CDX4: variants seen among roughly 807,000 people sequenced by gnomAD.
CDX4 encodes homeobox protein CDX-4.
In CDX4, 11 loss-of-function variants were observed where a neutral mutation model predicts 14.1. The observed-to-expected ratio is 0.78, with a 90% CI of 0.49 to 1.29. The LOEUF (loss-of-function observed/expected upper bound fraction) is 1.29. CDX4 is among the 50% of genes most tolerant of loss of function. CDX4 has a pLI of 0.00. For synonymous variants in CDX4, 100 were observed against 93.5 expected, an observed-to-expected ratio of 1.07 and a Z score of -0.40; for missense variants, 257 against 237.4, an observed-to-expected ratio of 1.08 and a Z score of -0.54.
chrX:73,452,507 T>G (rs2057091807), intron 1 of CDX4, among the ~76,000 whole-genome samples: 1 of 111,193 alleles, frequency 9.0e-6, no homozygotes, highest in Admixed American at 9.5e-5. Flanking sequence ...AAAGCTCTAT[T>G]CGAAGGAGGG....
chrX:73,448,130 G>A (rs145249588), intron 1 of CDX4, among the ~76,000 whole-genome samples: 1,294 of 111,857 alleles, frequency 0.012, 21 homozygotes, highest in African/African-American at 0.041. Context: ...GAGGGCAGCT[G>A]TAGTGTCCCG....
At chrX:73,448,679 T>C (rs986274212) in intron 1 of CDX4, among the ~76,000 whole-genome samples, 1 of 112,329 alleles carries the variant, frequency 8.9e-6, no homozygotes, top group African/African-American at 3.2e-5. Context: ...GCGAGGGAAG[T>C]GGCCGTTCCA....
At chrX:73,449,667 G>A (rs1382257270) in intron 1 of CDX4, among the ~76,000 whole-genome samples, 1 of 111,960 alleles carries the variant, frequency 8.9e-6, no homozygotes, top group East Asian at 2.8e-4. Flanking sequence ...TCATTTTAAT[G>A]TCTTATAAAT....
chrX:73,447,551 G>C lies in CDX4; in HGVS notation c.298G>C (p.Asp100His), dbSNP rs929389049. 3 of 1,211,448 alleles carry C rather than the reference G, an allele frequency of 2.5e-6. No individual in the cohort carries two copies. Among genetic ancestry groups the C allele is most frequent in the Non-Finnish European group, 2.2e-6 (2 of 895,294 alleles). ...TACAATGGGCACAGTGCCGGTGAAC[G>C]ACGTGACCTCTAGCCCCGCCGCTTT... ...SSTMGTVPVN[D>H]VTSSPAAFCS... Residue 100 changes from aspartate (D) to histidine (H), a missense_variant, in exon 1 of 3, where the codon GAC (aspartate) becomes CAC (histidine). Asp to His is a moderately conservative substitution (Grantham distance 81). Coordinates refer to ENST00000373514, the MANE Select transcript of CDX4 (RefSeq NM_005193.2).
At chrX:73,449,498 A>G (rs2057080732) in intron 1 of CDX4, among the ~76,000 whole-genome samples, 1 of 111,794 alleles carries the variant, frequency 8.9e-6, no homozygotes, top group Admixed American at 9.5e-5. Context: ...AGTCTCTTGC[A>G]TCTTTGAGCT....
At chrX:73,449,591 T>C (rs1437731356) in intron 1 of CDX4, among the ~76,000 whole-genome samples, 1 of 111,926 alleles carries the variant, frequency 8.9e-6, no homozygotes, top group Non-Finnish European at 1.9e-5. Flanking sequence ...TGGAATGATA[T>C]TGGAACCATT....
In CDX4 at chrX:73,453,658, G is replaced by A. The variant is rs770467036; in HGVS notation, c.644G>A (p.Arg215Lys). 3 of 1,198,868 alleles carry A rather than the reference G, an allele frequency of 2.5e-6. No homozygotes were observed. The highest frequency in any genetic ancestry group is 3.4e-6 in the Non-Finnish European group (3 of 887,332). Residue 215 changes from arginine to lysine, a missense_variant, in exon 2 of 3, where the codon AGA becomes AAA. Arg to Lys is a conservative substitution (Grantham distance 26). Coordinates refer to ENST00000373514, the MANE Select transcript of CDX4 (RefSeq NM_005193.2). ...ELAVNLGLSE[R>K]QVKIWFQNRR... ...GCAGTTAACCTGGGCCTTTCCGAGAGACAGGTACACCAGAAGTATATCCAA... is the reference window on the plus strand; with the variant it reads ...GCAGTTAACCTGGGCCTTTCCGAGAAACAGGTACACCAGAAGTATATCCAA...
intron 1 of CDX4, among the ~76,000 whole-genome samples, chrX:73,450,524 G>A (rs1041078014): frequency 1.8e-5 from 2 of 111,753 alleles, no homozygotes; most frequent in Non-Finnish European, 3.8e-5. Context: ...AAGTAATTGT[G>A]ATTGATTCTG....
chrX:73,447,286 A>T lies in CDX4; in HGVS notation c.33A>T (p.Ala11=), dbSNP rs1232558185. 2.5e-6 allele frequency: 3 copies of T among 1,210,160 alleles called. No individual in the cohort carries two copies. In the Admixed American group the frequency reaches 6.5e-5, roughly 26 times the overall value. ...GAAGCTGTCTTTTGGAGAAAGAAGCAGGCATGTACCCGGGCACTCTCATGA... is the reference window on the plus strand; with the variant it reads ...GAAGCTGTCTTTTGGAGAAAGAAGCTGGCATGTACCCGGGCACTCTCATGA... The part of the protein sequence containing the change: MYGSCLLEKE[A]GMYPGTLMSP... Residue 11 remains alanine, a synonymous_variant, in exon 1 of 3, where the codon GCA becomes GCT. Transcript: ENST00000373514.
In CDX4 at chrX:73,447,241, T is replaced by C. The variant is rs1375078890; in HGVS notation, c.-13T>C. 4 of 1,200,229 alleles carry C rather than the reference T, an allele frequency of 3.3e-6. No individual in the cohort carries two copies. In the South Asian group the frequency reaches 7.2e-5, roughly 22 times the overall value. On this transcript the variant is annotated 5_prime_UTR_variant, in exon 1 of 3. Transcript: ENST00000373514. ...TCAGGATGGCTTAGGGAGCGCCTTC[T>C]ACCCAAGACACGATGTACGGAAGCT...
intron 2 of CDX4, among the ~76,000 whole-genome samples, chrX:73,454,035 T>C (rs1410459156): frequency 1.8e-5 from 2 of 111,669 alleles, no homozygotes; most frequent in African/African-American, 6.5e-5. Flanking sequence ...CCTTTGCTAT[T>C]TAAATCTCTC....
Position 73,447,683 on chromosome X carries a change from G to C in CDX4, c.430G>C (p.Ala144Pro), listed in dbSNP as rs2057075304. ...GSLVPTDAGAAKASSPSRSRH... is the reference protein window; with the variant it reads ...GSLVPTDAGAPKASSPSRSRH... ...GCTTGTCCCGACGGACGCAGGCGCC[G>C]CCAAGGCCAGTTCCCCCAGCAGGAG... Residue 144 changes from alanine to proline, a missense_variant, in exon 1 of 3, where the codon GCC (alanine) becomes CCC (proline). Coordinates refer to ENST00000373514, the MANE Select transcript of CDX4 (RefSeq NM_005193.2). 1 of 1,205,037 alleles carries C rather than the reference G, an allele frequency of 8.3e-7. No homozygotes were observed. Among genetic ancestry groups the C allele is most frequent in the Non-Finnish European group, 1.1e-6 (1 of 894,063 alleles).
chrX:73,449,026 A>G (rs1267332639), intron 1 of CDX4, among the ~76,000 whole-genome samples: 1 of 111,859 alleles, frequency 8.9e-6, no homozygotes, highest in Non-Finnish European at 1.9e-5. Flanking sequence ...CCAAGGTAAA[A>G]GTAGAGTTGA....
chrX:73,451,415 A>C (rs1487220686), intron 1 of CDX4, among the ~76,000 whole-genome samples: 1 of 111,756 alleles, frequency 8.9e-6, no homozygotes, highest in Non-Finnish European at 1.9e-5. Flanking sequence ...CCCCTGAGCT[A>C]CATCTTCTTG....
intron 1 of CDX4, among the ~76,000 whole-genome samples, chrX:73,451,925 C>T (rs1368160147): frequency 8.9e-6 from 1 of 111,733 alleles, no homozygotes; most frequent in Non-Finnish European, 1.9e-5. Flanking sequence ...AAAAGGCAGA[C>T]TTACGGTTTC....
intron 2 of CDX4, 32 bp from the exon 3 acceptor site, chrX:73,454,347 T>G (rs764059024): frequency 2.0e-6 from 2 of 1,024,317 alleles, no homozygotes; most frequent in South Asian, 4.0e-5. Flanking sequence ...CTAAGTTAAC[T>G]GCATTCAGTA....
chrX:73,449,100 C>G (rs1231619412), intron 1 of CDX4, among the ~76,000 whole-genome samples: 1 of 111,034 alleles, frequency 9.0e-6, no homozygotes, highest in African/African-American at 3.3e-5. Flanking sequence ...GTGAGTCTGT[C>G]GACTAAGTAG....
chrX:73,452,530 G>C (rs2057091958), intron 1 of CDX4, among the ~76,000 whole-genome samples: 1 of 111,350 alleles, frequency 9.0e-6, no homozygotes, highest in African/African-American at 3.3e-5. Context: ...TGAGGAATTA[G>C]TTAAATGTTG....
chrX:73,447,896 A>G (rs2057076311), intron 1 of CDX4, 141 bp downstream of exon 1: 6 of 662,160 alleles, frequency 9.1e-6, no homozygotes, highest in Non-Finnish European at 1.3e-5. Flanking sequence ...TGGCTGGCCT[A>G]TTAGGCATCT....
Sources: gnomAD v4.1 joint callset for allele counts (sites outside exome capture counted in the v4.1 genomes callset) on GRCh38, gnomAD v4.1.1 for gene constraint, MANE v1.5 for transcripts, NCBI Gene and HGNC (gene_info 2026-07-23, HGNC 2026-07-21) for gene names.